Variants in NOL4 observed in about 807,000 individuals in gnomAD.
NOL4 encodes the protein nucleolar protein 4, also known as cancer/testis antigen 125.
Under a neutral mutation model 75.9 loss-of-function variants are expected in NOL4, and 17 were observed. That is an observed-to-expected ratio of 0.22 (90% CI 0.15 to 0.34). The LOEUF (loss-of-function observed/expected upper bound fraction) is 0.34, where lower values mean the gene tolerates loss of function less well. Ranked by LOEUF, NOL4 falls within the 10% of genes least tolerant of loss-of-function variation. The probability of loss-of-function intolerance (pLI) is 1.00; values close to 1 mark genes in which losing one functional copy is unlikely to be tolerated. For synonymous variants in NOL4, 292 were observed against 289.9 expected (o/e 1.01, Z -0.07); for missense variants, 614 against 793.5 (o/e 0.77, Z 2.72).
chr18:34,147,360 T>A (rs1462964157), intron 1 of NOL4, among the ~76,000 whole-genome samples: 7 of 151,954 alleles, frequency 4.6e-5, no homozygotes, highest in African/African-American at 1.7e-4. Flanking sequence ...AGGTTTGTCA[T>A]AAACAGCTTA....
At chr18:34,211,111 A>AGAAGGAAGGAAG (rs34370429) in intron 1 of NOL4, among the ~76,000 whole-genome samples, 10 of 149,218 alleles carry the variant, frequency 6.7e-5, no homozygotes, top group African/African-American at 1.5e-4. Flanking sequence ...AAGGAAGGAA[A>AGAAGGAAGGAAG]GAAGGAAGGA....
At chr18:34,034,436 A>G (rs2075787614) in intron 5 of NOL4, among the ~76,000 whole-genome samples, 1 of 152,156 alleles carries the variant, frequency 6.6e-6, no homozygotes, top group African/African-American at 2.4e-5. Flanking sequence ...AAGATATTCC[A>G]CACAAGAAAA....
intron 1 of NOL4, among the ~76,000 whole-genome samples, chr18:34,146,327 C>G (rs555987836): frequency 8.6e-5 from 13 of 151,922 alleles, no homozygotes; most frequent in South Asian, 8.3e-4. Flanking sequence ...ATGGTATTGC[C>G]TAGGTTTTCT....
intron 10 of NOL4, among the ~76,000 whole-genome samples, chr18:33,875,047 T>A (rs1416890971): frequency 6.6e-6 from 1 of 152,052 alleles, no homozygotes; most frequent in Non-Finnish European, 1.5e-5. Context: ...GGTCTGTATA[T>A]CAGCCCAGTT....
chr18:34,143,923 A>G (rs2081294765), intron 1 of NOL4, among the ~76,000 whole-genome samples: 1 of 151,968 alleles, frequency 6.6e-6, no homozygotes, highest in African/African-American at 2.4e-5. Context: ...GACAATGGAC[A>G]AAATCATAAA....
intron 1 of NOL4, among the ~76,000 whole-genome samples, chr18:34,135,622 G>T (rs1454893064): frequency 6.8e-6 from 1 of 146,250 alleles, no homozygotes; most frequent in East Asian, 2.0e-4. Flanking sequence ...GCATGAACCT[G>T]GGAGGCCAGA....
chr18:33,857,015 T>A (rs1254974587), intron 10 of NOL4, among the ~76,000 whole-genome samples: 1 of 151,792 alleles, frequency 6.6e-6, no homozygotes, highest in Non-Finnish European at 1.5e-5. Flanking sequence ...TTTTTATAAA[T>A]TTTTTTCAAA....
At chr18:34,204,309 T>A (rs2035968715) in intron 1 of NOL4, among the ~76,000 whole-genome samples, 1 of 152,100 alleles carries the variant, frequency 6.6e-6, no homozygotes, top group South Asian at 2.1e-4. Flanking sequence ...GTCTGCAATA[T>A]GTATTGTTTA....
intron 6 of NOL4, among the ~76,000 whole-genome samples, chr18:33,989,171 G>A (rs2072716993): frequency 9.5e-6 from 1 of 105,596 alleles, no homozygotes; most frequent in Non-Finnish European, 1.7e-5. Context: ...CTAGGTGACA[G>A]AGTGAGACCC....
Position 33,940,719 on chromosome 18 carries a change from A to G in NOL4, c.1542+2346T>C, listed in dbSNP as rs573170576. Reference sequence around the variant, plus strand: ...AAACAAAACAAAACAAAACAAAACAAAAACGGGGGAAAAAAAGAAAACAGT... The same window carrying G: ...AAACAAAACAAAACAAAACAAAACAGAAACGGGGGAAAAAAAGAAAACAGT... On this transcript the variant is annotated intron_variant, in intron 9 of 10. Transcript: ENST00000261592. Among the ~76,000 whole-genome samples, 33 of 151,928 alleles carry G rather than the reference A, an allele frequency of 2.2e-4. No individual in the cohort carries two copies. In the South Asian group the frequency reaches 4.0e-3, roughly 18 times the overall value.
chr18:34,126,731 A>C (rs2080406121), intron 2 of NOL4, among the ~76,000 whole-genome samples: 1 of 152,122 alleles, frequency 6.6e-6, no homozygotes, highest in Non-Finnish European at 1.5e-5. Flanking sequence ...AAACACTGGA[A>C]GACAAAACAG....
At chr18:34,193,522 T>C (rs1044981596) in intron 1 of NOL4, among the ~76,000 whole-genome samples, 1 of 152,112 alleles carries the variant, frequency 6.6e-6, no homozygotes, top group Non-Finnish European at 1.5e-5. Flanking sequence ...ATAAATGCAA[T>C]TTTAAACCAC....
intron 9 of NOL4, among the ~76,000 whole-genome samples, chr18:33,904,432 GCCA>G (rs2065914458): frequency 6.6e-6 from 1 of 151,946 alleles, no homozygotes; most frequent in Non-Finnish European, 1.5e-5. Flanking sequence ...TTAGTTCCCA[GCCA>G]TGAACTAAGG....
At chr18:34,023,306 C>T (rs2075147544) in intron 5 of NOL4, 2 of 404,190 alleles carry the variant, frequency 4.9e-6, no homozygotes, top group African/African-American at 4.1e-5. Flanking sequence ...TTCATGTAAT[C>T]ATGTTAACCA....
chr18:34,167,347 G>T (rs2032502252), intron 1 of NOL4, among the ~76,000 whole-genome samples: 1 of 151,976 alleles, frequency 6.6e-6, no homozygotes, highest in Admixed American at 6.6e-5. Flanking sequence ...TACATATCCA[G>T]TTACTAAGTG....
At chr18:34,062,686 A>G (rs1283729180) in intron 5 of NOL4, among the ~76,000 whole-genome samples, 3 of 152,134 alleles carry the variant, frequency 2.0e-5, no homozygotes, top group African/African-American at 7.2e-5. Flanking sequence ...ATTTTACTCA[A>G]ATGTCCAACT....
intron 5 of NOL4, among the ~76,000 whole-genome samples, chr18:34,061,735 T>C (rs187789609): frequency 6.6e-6 from 1 of 152,270 alleles, no homozygotes; most frequent in African/African-American, 2.4e-5. Context: ...ATATAGTCAG[T>C]TTATTATAAT....
Position 34,007,403 on chromosome 18 carries a change from A to C in NOL4, c.1056+11915T>G, listed in dbSNP as rs559130820. 9.2e-5 allele frequency among the ~76,000 whole-genome samples: 14 copies of C among 152,156 alleles called. No homozygotes were observed. The South Asian group carries it at 2.9e-3, about 32-fold the overall frequency. ...AAAAGAAAGATTGGGTTTAATCTGA[A>C]GTTAAGAACCATGACTAGCTGAGGT... On this transcript the variant is annotated intron_variant, in intron 6 of 10. Transcript: ENST00000261592.
At chr18:33,903,067 T>TACAG (rs2065835223) in intron 9 of NOL4, among the ~76,000 whole-genome samples, 1 of 152,136 alleles carries the variant, frequency 6.6e-6, no homozygotes, top group Admixed American at 6.6e-5. Context: ...AGCTATAAAG[T>TACAG]TAATCACTTA....
Sources: allele counts gnomAD v4.1 joint callset (sites outside exome capture counted in the v4.1 genomes callset), GRCh38; gene constraint gnomAD v4.1.1; transcripts MANE v1.5; gene names NCBI Gene and HGNC (gene_info 2026-07-23, HGNC 2026-07-21).